Variants in STK25 observed in about 807,000 individuals in gnomAD.
STK25 encodes serine/threonine-protein kinase 25.
A neutral mutation model predicts 53.8 loss-of-function variants in STK25; 29 were observed. The observed-to-expected ratio is 0.54, with a 90% CI of 0.40 to 0.74. The LOEUF (loss-of-function observed/expected upper bound fraction) is 0.74, where lower values mean the gene tolerates loss of function less well. STK25 is among the 30% of genes least tolerant of loss of function. The pLI is 0.00. For missense variants in STK25, 420 were observed against 568.0 expected, an observed-to-expected ratio of 0.74 and a Z score of 2.65; for synonymous variants, 247 against 238.3, an observed-to-expected ratio of 1.04 and a Z score of -0.33.
chr2:241,496,455 T>C lies in STK25; in HGVS notation c.1184A>G (p.Glu395Gly). The C allele has an allele frequency of 1.2e-6, 2 of 1,613,558 alleles. No individual in the cohort carries two copies. Among genetic ancestry groups the C allele is most frequent in the Non-Finnish European group, 1.7e-6 (2 of 1,179,954 alleles). The change falls in exon 11 of 12, where the codon GAG becomes GGG. Residue 395 changes from glutamate to glycine, a missense_variant. Glu to Gly is a moderately conservative substitution (Grantham distance 98, BLOSUM62 -2). Transcript: ENST00000316586. This position sits in a 1 kb window ranked among gnomAD's most constrained non-coding sequence, Gnocchi z 5.8. ...CTTGTCTGAGATGCCGGGGCAGGAC[T>C]CCTCGGCCAGGCTGAAGGCGTTCTC... The part of the protein sequence containing the change: ...ELENAFSLAE[E>G]SCPGISDKLM...
At chr2:241,502,195 C>A (rs555458835) in intron 2 of STK25, among the ~76,000 whole-genome samples, 2 of 151,696 alleles carry the variant, frequency 1.3e-5, no homozygotes, top group African/African-American at 2.4e-5. Context: ...ATAACAACAA[C>A]AAAAAAACCT....
rs561968911 is a variant in STK25 at position 241,492,701 on chromosome 2, A to G, written c.*2961T>C. 27 of 502,836 alleles carry G rather than the reference A, an allele frequency of 5.4e-5. No homozygotes were observed. The highest frequency in any genetic ancestry group is 4.8e-4 in the African/African-American group (25 of 52,202). The allele number at this position is 502,836 out of a possible 1,614,324, so 31.1% of individuals were successfully genotyped here. On this transcript the variant is annotated 3_prime_UTR_variant, in exon 12 of 12. Transcript: ENST00000316586. Reference sequence around the variant, plus strand: ...ACTGAACACTGACTTTATTGTGCACAGGGAAAGGGAACTCACTTTACTTGG... The same window carrying G: ...ACTGAACACTGACTTTATTGTGCACGGGGAAAGGGAACTCACTTTACTTGG...
rs1559827149 is a variant in STK25, at chr2:241,496,573, A to ACCCCAGGAG, written c.1105-40_1105-39insCTCCTGGGG. 1 of 1,597,812 alleles carries ACCCCAGGAG rather than the reference A, an allele frequency of 6.3e-7. No homozygotes were observed. Reference sequence around the variant, plus strand: ...ACCACGCCTGACCCTGGACCCCAGGACAGGCCTTCAGGGAGCCTGCTCCTT... The same window carrying ACCCCAGGAG: ...ACCACGCCTGACCCTGGACCCCAGGACCCCAGGAGCAGGCCTTCAGGGAGCCTGCTCCTT... On this transcript the variant is annotated intron_variant, in intron 10 of 11. Transcript: ENST00000316586. The surrounding 1 kb of genome is among the most constrained non-coding windows in gnomAD (Gnocchi z 5.8).
chr2:241,498,433 G>A, intron 8 of STK25, 84 bp from the exon 9 acceptor site: 1 of 1,360,100 alleles, frequency 7.4e-7, no homozygotes, highest in African/African-American at 1.5e-5. Flanking sequence ...ACGGCCAAGG[G>A]AAACCCGAGG....
At chr2:241,507,963 T>A in intron 2 of STK25, 43 bp downstream of exon 2, 2 of 1,542,054 alleles carry the variant, frequency 1.3e-6, no homozygotes, top group Non-Finnish European at 1.8e-6. Flanking sequence ...CTGGAGCCCC[T>A]CGGTGAGAGG....
intron 2 of STK25, among the ~76,000 whole-genome samples, chr2:241,506,824 A>T (rs982920826): frequency 3.3e-5 from 5 of 152,214 alleles, no homozygotes; most frequent in Admixed American, 6.5e-5. Context: ...CCAGCACCTT[A>T]GTCATGTAAG....
rs753362413 is a variant in STK25, at chr2:241,500,162, C to G, written c.427+11G>C. 1.2e-6 allele frequency: 2 copies of G among 1,610,704 alleles called. No individual in the cohort carries two copies. The highest frequency in any genetic ancestry group is 3.3e-5 in the Admixed American group (2 of 60,010). On this transcript the variant is annotated intron_variant, in intron 5 of 11. Coordinates refer to ENST00000316586, the MANE Select transcript of STK25 (RefSeq NM_001271977.2). Reference sequence around the variant, plus strand: ...GGACGTTACAAGAGCCACATCCACCCCCAGCAGGACCTTTGATGTCTCGGT... The same window carrying G: ...GGACGTTACAAGAGCCACATCCACCGCCAGCAGGACCTTTGATGTCTCGGT...
Position 241,498,342 on chromosome 2 carries a change from C to G in STK25, c.925G>C (p.Glu309Gln). 2.5e-6 allele frequency: 4 copies of G among 1,587,400 alleles called. No homozygotes were observed. Among genetic ancestry groups the G allele is most frequent in the South Asian group, 1.1e-5 (1 of 88,014 alleles). ...GGGCCCTGCTCCCCGTCCTCCGCCT[C>G]GCCATCACTGAAGAGGATGAGGAGT... ...SSSEDSDIDG[E>Q]AEDGEQGPIW... Residue 309 changes from glutamate to glutamine, a missense_variant, in exon 9 of 12, where the codon GAG becomes CAG. By Grantham distance (29) the Glu-to-Gln change is conservative. Transcript: ENST00000316586.
chr2:241,507,954 T>C (rs1386214948), intron 2 of STK25, 52 bp downstream of exon 2: 4 of 1,516,750 alleles, frequency 2.6e-6, no homozygotes, highest in East Asian at 2.5e-5. Flanking sequence ...CAGGAGACTC[T>C]GGAGCCCCTC....
intron 7 of STK25, 56 bp from the exon 8 acceptor site, chr2:241,498,840 GA>G: frequency 6.2e-7 from 1 of 1,609,704 alleles, no homozygotes; most frequent in South Asian, 1.1e-5. Flanking sequence ...CTGCCTAAGG[GA>G]AGCAAACGTG....
chr2:241,500,124 T>C (rs2065420500), intron 5 of STK25, 49 bp downstream of exon 5: 13 of 1,523,644 alleles, frequency 8.5e-6, no homozygotes, highest in South Asian at 2.2e-5. Context: ...CTCTCTAAGG[T>C]CAGTGGGGCT....
intron 3 of STK25, 126 bp from the exon 4 acceptor site, chr2:241,500,922 G>T: frequency 1.2e-6 from 1 of 854,532 alleles, no homozygotes; most frequent in Non-Finnish European, 1.9e-6. Flanking sequence ...CAAGAACCCT[G>T]AACAGGAAAG....
At chr2:241,503,332 T>TG (rs2065618297) in intron 2 of STK25, among the ~76,000 whole-genome samples, 1 of 151,920 alleles carries the variant, frequency 6.6e-6, no homozygotes, top group South Asian at 2.1e-4. Context: ...CCCAAAGTGC[T>TG]GGGATTACAG....
Position 241,493,374 on chromosome 2 carries a change from T to TATG in STK25, c.*2285_*2287dup. On this transcript the variant is annotated 3_prime_UTR_variant, in exon 12 of 12. Transcript: ENST00000316586. The stretch of plus-strand genomic sequence containing the variant: ...GGAGGCCGATGGCATACACAAAGAC[T>TATG]ATGTTTTCAAGCTCCAGTTCAAATC... 1 of 1,613,994 alleles carries TATG rather than the reference T, an allele frequency of 6.2e-7. No homozygotes were observed.
At chr2:241,506,381 C>T (rs185956874) in intron 2 of STK25, among the ~76,000 whole-genome samples, 19 of 152,370 alleles carry the variant, frequency 1.2e-4, no homozygotes, top group African/African-American at 2.4e-4. Context: ...TGTGTGCGAT[C>T]GCACCAAGAA....
Position 241,500,235 on chromosome 2 carries a change from C to T in STK25, c.365G>A (p.Arg122Gln), listed in dbSNP as rs2065426741. Residue 122 changes from arginine (R) to glutamine (Q), a missense_variant, in exon 5 of 12, where the codon CGG (arginine) becomes CAG (glutamine). Arg to Gln is a conservative substitution (Grantham distance 43). Coordinates refer to ENST00000316586, the MANE Select transcript of STK25 (RefSeq NM_001271977.2). ...ATAATCCAGGCCCTTCAGAATCTCC[C>T]GCAGGATCGTGGCAATGTATGTCTC... is the stretch of plus-strand genomic sequence containing the variant. ...LEETYIATIL[R>Q]EILKGLDYLH... The T allele has an allele frequency of 2.5e-6, 4 of 1,613,960 alleles. No homozygotes were observed. Among genetic ancestry groups the T allele is most frequent in the African/African-American group, 1.3e-5 (1 of 74,898 alleles).
At position 241,507,992 on chromosome 2, in the gene STK25, T is replaced by G; in HGVS notation, c.30+14A>C. 1.9e-6 allele frequency: 3 copies of G among 1,597,800 alleles called. No individual in the cohort carries two copies. The highest frequency in any genetic ancestry group is 2.3e-5 in the South Asian group (2 of 87,974). ...TGAGAGGCCGCTAGTCTTCCTGACC[T>G]GCACCCTTCTCACCTGGTTGGCAAA... is the stretch of plus-strand genomic sequence containing the variant. On this transcript the variant is annotated intron_variant, in intron 2 of 11. Coordinates refer to ENST00000316586, the MANE Select transcript of STK25 (RefSeq NM_001271977.2).
In STK25 at chr2:241,494,028, G is replaced by C. The variant is rs1174496580; in HGVS notation, c.*1634C>G. ...TCCAGGTGGATGGAGGTGATCCAGG[G>C]GGCCAGCAGCTCAGCCGGGAGGGCC... On this transcript the variant is annotated 3_prime_UTR_variant, in exon 12 of 12. Transcript: ENST00000316586. This position sits in a 1 kb window ranked among gnomAD's most constrained non-coding sequence, Gnocchi z 4.9. 7.2e-7 allele frequency: 1 copy of C among 1,396,990 alleles called. No individual in the cohort carries two copies. Among genetic ancestry groups the C allele is most frequent in the African/African-American group, 1.5e-5 (1 of 67,022 alleles). The allele number at this position is 1,396,990 out of a possible 1,614,324, so 86.5% of individuals were successfully genotyped here. A position where few individuals can be genotyped will look rare whatever the true frequency, so the allele number is the denominator to read the frequency against.
At position 241,496,281 on chromosome 2, in the gene STK25, A is replaced by T; in HGVS notation, c.1241+117T>A. ...GCCACGCCGCGCCTTCCCAGAGTGA[A>T]GCGAGCCCATGTAGTGCCAAATGCA... On this transcript the variant is annotated intron_variant, in intron 11 of 11. Coordinates refer to ENST00000316586, the MANE Select transcript of STK25 (RefSeq NM_001271977.2). This position sits in a 1 kb window ranked among gnomAD's most constrained non-coding sequence, Gnocchi z 5.8. 7.7e-7 allele frequency: 1 copy of T among 1,293,986 alleles called. No homozygotes were observed. The highest frequency in any genetic ancestry group is 1.5e-5 in the African/African-American group (1 of 68,270). The allele number at this position is 1,293,986 out of a possible 1,614,324, so 80.2% of individuals were successfully genotyped here.
Sources: gnomAD v4.1 joint callset for allele counts (sites outside exome capture counted in the v4.1 genomes callset) on GRCh38, gnomAD v4.1.1 for gene constraint, Gnocchi (gnomAD v3.1) non-coding constraint, MANE v1.5 for transcripts, NCBI Gene and HGNC (gene_info 2026-07-23, HGNC 2026-07-21) for gene names.